The following MYT1L variants were observed in gnomAD, a reference collection of about 807,000 sequenced individuals.
MYT1L encodes the protein myelin transcription factor 1-like protein.
A neutral mutation model predicts 126.7 loss-of-function variants in MYT1L; 12 were observed. The ratio of observed to expected loss-of-function variants is 0.09; its 90% CI spans 0.06 to 0.15. MYT1L has a LOEUF of 0.15. Ranked by LOEUF, MYT1L falls within the 10% of genes least tolerant of loss-of-function variation. The pLI, the probability that MYT1L is intolerant of heterozygous loss-of-function variation, is 1.00. For missense variants in MYT1L, 979 were observed against 1,585.2 expected (o/e 0.62, Z 6.49); for synonymous variants, 541 against 604.2 (o/e 0.90, Z 1.53).
chr2:2,191,738 G>A (rs550841091), intron 2 of MYT1L, among the ~76,000 whole-genome samples: 4 of 152,294 alleles, frequency 2.6e-5, no homozygotes, highest in Non-Finnish European at 5.9e-5. Flanking sequence ...TACAGCCTGT[G>A]TGGGAATCGA....
chr2:1,837,448 A>G (rs2041064286), intron 21 of MYT1L, among the ~76,000 whole-genome samples: 1 of 152,202 alleles, frequency 6.6e-6, no homozygotes, highest in Non-Finnish European at 1.5e-5. Flanking sequence ...AGGTTTGGGA[A>G]AGTAGACACT....
chr2:2,139,808 A>T (rs1425479408), intron 3 of MYT1L, among the ~76,000 whole-genome samples: 1 of 152,206 alleles, frequency 6.6e-6, no homozygotes, highest in East Asian at 1.9e-4. Context: ...TAGCAAACAA[A>T]ACTATAATTT....
At chr2:2,017,913 C>G (rs1393860714) in intron 4 of MYT1L, among the ~76,000 whole-genome samples, 1 of 152,124 alleles carries the variant, frequency 6.6e-6, no homozygotes, top group Non-Finnish European at 1.5e-5. Context: ...TATTTAAGTA[C>G]CTGTTTCACC....
At chr2:2,321,696 T>C (rs979259005) in intron 1 of MYT1L, among the ~76,000 whole-genome samples, 14 of 152,110 alleles carry the variant, frequency 9.2e-5, no homozygotes, top group Admixed American at 9.2e-4. Context: ...AAAATCTTTG[T>C]CAATGTACTA....
Position 2,055,815 on chromosome 2 carries a change from TG to T in MYT1L, c.-303-1693del, listed in dbSNP as rs1204744525. On this transcript the variant is annotated intron_variant, in intron 3 of 24. Transcript: ENST00000647738. ...TAATTTACACAATGACTTACTCTAC[TG>T]GTAATCCTAAAAATTCATCTCTATC... Among the ~76,000 whole-genome samples, 42 of 152,348 alleles carry T rather than the reference TG, an allele frequency of 2.8e-4. No individual in the cohort carries two copies. The East Asian group carries it at 6.2e-3, about 22-fold the overall frequency.
chr2:2,103,521 G>A (rs1434783158), intron 3 of MYT1L, among the ~76,000 whole-genome samples: 2 of 152,256 alleles, frequency 1.3e-5, no homozygotes. Context: ...ATCGGCCAGC[G>A]AGAGTGCAGA....
chr2:1,821,080 T>C (rs1355872576), intron 21 of MYT1L, among the ~76,000 whole-genome samples: 4 of 152,192 alleles, frequency 2.6e-5, no homozygotes, highest in African/African-American at 7.2e-5. Flanking sequence ...AACCCGTCCA[T>C]ATATAAATCC....
chr2:2,004,895 T>TGTTCTTTCCTGCATGC (rs1558704150), intron 4 of MYT1L, among the ~76,000 whole-genome samples: 2 of 123,824 alleles, frequency 1.6e-5, no homozygotes, highest in Admixed American at 8.1e-5. Context: ...TTCCTGCATG[T>TGTTCTTTCCTGCATGC]GTTCTTTCCT....
At chr2:2,162,197 C>T (rs189778349) in intron 3 of MYT1L, among the ~76,000 whole-genome samples, 32 of 152,226 alleles carry the variant, frequency 2.1e-4, no homozygotes, top group Non-Finnish European at 4.4e-5. Flanking sequence ...AGCAACAGAA[C>T]CAAGTTAGAA....
chr2:2,117,686 T>A (rs1453025823), intron 3 of MYT1L, among the ~76,000 whole-genome samples: 1 of 152,132 alleles, frequency 6.6e-6, no homozygotes, highest in African/African-American at 2.4e-5. Context: ...TTATATTAAC[T>A]TAACGGAATA....
At position 1,878,367 on chromosome 2, in the gene MYT1L, A is replaced by G. The variant is rs112216532; in HGVS notation, c.2711+8172T>C. Among the ~76,000 whole-genome samples, 1,103 of 152,344 alleles carry G rather than the reference A, an allele frequency of 7.2e-3. 23 individuals carry two copies. Among genetic ancestry groups the G allele is most frequent in the African/African-American group, 0.026 (1,061 of 41,580 alleles). On this transcript the variant is annotated intron_variant, in intron 18 of 24. Transcript: ENST00000647738. ...TTAAACTGTTTGTCAGTGGCTTAGT[A>G]GTATAAGCCAGATGCTTAAAAAATA...
At chr2:2,095,139 G>A (rs2077310798) in intron 3 of MYT1L, among the ~76,000 whole-genome samples, 1 of 152,278 alleles carries the variant, frequency 6.6e-6, no homozygotes, top group South Asian at 2.1e-4. Context: ...GAAGTGGAGA[G>A]GGAGAAGCGC....
At chr2:2,119,474 A>G (rs1179113112) in intron 3 of MYT1L, among the ~76,000 whole-genome samples, 1 of 152,222 alleles carries the variant, frequency 6.6e-6, no homozygotes, top group Non-Finnish European at 1.5e-5. Flanking sequence ...ATTTATCTCA[A>G]TGCAGACTAC....
At chr2:1,827,415 G>A (rs766242697) in intron 21 of MYT1L, 7 of 152,122 alleles carry the variant, frequency 4.6e-5, no homozygotes, top group Non-Finnish European at 7.3e-5. Context: ...AGCTCCCACC[G>A]GGCCTGGAGG....
intron 4 of MYT1L, among the ~76,000 whole-genome samples, chr2:2,040,841 T>TAA (rs1279498568): frequency 6.6e-6 from 1 of 152,188 alleles, no homozygotes; most frequent in Non-Finnish European, 1.5e-5. Context: ...AATTTGAGGT[T>TAA]AAAAAACTAT....
intron 9 of MYT1L, among the ~76,000 whole-genome samples, chr2:1,927,732 C>G (rs1229455276): frequency 2.6e-5 from 4 of 152,212 alleles, no homozygotes; most frequent in Non-Finnish European, 4.4e-5. Context: ...GAGACCTGGT[C>G]TGCAGGTGCA....
rs1052266566 is a variant in MYT1L, at chr2:2,315,082, C to T, written c.-521+15885G>A. Among the ~76,000 whole-genome samples, 14 of 152,274 alleles carry T rather than the reference C, an allele frequency of 9.2e-5. No individual in the cohort carries two copies. In the East Asian group the frequency reaches 2.7e-3, roughly 29 times the overall value. On this transcript the variant is annotated intron_variant, in intron 1 of 24. Transcript: ENST00000647738. ...TTCTCTGTGCTTTCTATCTCAGGGACACTTCAGAGACTCACATGGGGAACT... is the reference window on the plus strand; with the variant it reads ...TTCTCTGTGCTTTCTATCTCAGGGATACTTCAGAGACTCACATGGGGAACT...
chr2:2,003,164 T>A (rs921636068), intron 4 of MYT1L, among the ~76,000 whole-genome samples: 28 of 152,118 alleles, frequency 1.8e-4, no homozygotes, highest in African/African-American at 6.0e-4. Flanking sequence ...CATTTCCCAC[T>A]TAGACTTGCT....
chr2:1,974,945 T>C (rs2060056112), intron 8 of MYT1L, among the ~76,000 whole-genome samples: 1 of 152,204 alleles, frequency 6.6e-6, no homozygotes, highest in South Asian at 2.1e-4. Flanking sequence ...TTAACACCAG[T>C]AAATAACTAC....
Sources: allele counts gnomAD v4.1 joint callset (sites outside exome capture counted in the v4.1 genomes callset), GRCh38; gene constraint gnomAD v4.1.1; transcripts MANE v1.5; gene names NCBI Gene and HGNC (gene_info 2026-07-23, HGNC 2026-07-21).